Variants in ZSWIM5 observed in about 807,000 individuals in gnomAD.
ZSWIM5 encodes the protein zinc finger SWIM-type containing 5, also known as zinc finger SWIM domain-containing protein 5.
A neutral mutation model predicts 119.6 loss-of-function variants in ZSWIM5; 55 were observed. The ratio of observed to expected loss-of-function variants is 0.46; its 90% CI spans 0.37 to 0.58. The LOEUF (loss-of-function observed/expected upper bound fraction) is 0.58, where lower values mean the gene tolerates loss of function less well. Among genes scored for constraint, ZSWIM5 ranks in the 20% least tolerant of loss-of-function variants. ZSWIM5 has a pLI of 0.00. For missense variants in ZSWIM5, 1,193 were observed against 1,512.8 expected, an observed-to-expected ratio of 0.79 and a Z score of 3.51; for synonymous variants, 537 against 606.9, an observed-to-expected ratio of 0.88 and a Z score of 1.69.
At chr1:45,084,679 G>A (rs1645314397) in intron 2 of ZSWIM5, among the ~76,000 whole-genome samples, 1 of 152,236 alleles carries the variant, frequency 6.6e-6, no homozygotes, top group Non-Finnish European at 1.5e-5. Context: ...AAACCCAGCA[G>A]GGCAGTCACT....
chr1:45,153,197 T>C (rs964045442), intron 1 of ZSWIM5, among the ~76,000 whole-genome samples: 9 of 149,884 alleles, frequency 6.0e-5, no homozygotes, highest in African/African-American at 2.0e-4. Flanking sequence ...ATTCAGCCAC[T>C]GTGGAAAGCA....
intron 11 of ZSWIM5, among the ~76,000 whole-genome samples, chr1:45,027,395 TTTAA>T (rs916452627): frequency 2.6e-4 from 40 of 152,116 alleles, no homozygotes; most frequent in Non-Finnish European, 5.3e-4. Flanking sequence ...ATTTTTATTT[TTTAA>T]TTAATTAATT....
chr1:45,112,979 T>C (rs76823516), intron 1 of ZSWIM5, among the ~76,000 whole-genome samples: 3,143 of 152,326 alleles, frequency 0.021, 117 homozygotes, highest in African/African-American at 0.072. Flanking sequence ...TGGCCTATTA[T>C]AGGCTTGCGA....
chr1:45,164,435 A>C (rs1465183637), intron 1 of ZSWIM5, among the ~76,000 whole-genome samples: 1 of 152,150 alleles, frequency 6.6e-6, no homozygotes, highest in Non-Finnish European at 1.5e-5. Flanking sequence ...TAACCAGCTA[A>C]CATCATAATG....
intron 1 of ZSWIM5, among the ~76,000 whole-genome samples, chr1:45,109,464 G>C (rs1364053789): frequency 6.6e-6 from 1 of 152,176 alleles, no homozygotes; most frequent in African/African-American, 2.4e-5. Flanking sequence ...GGTTATTCCT[G>C]GCTAGACGCG....
rs1221508394 is a variant in ZSWIM5, at chr1:45,200,333, G to C, written c.595+5423C>G. Among the ~76,000 whole-genome samples the C allele has an allele frequency of 2.6e-5, 4 of 152,102 alleles. No individual in the cohort carries two copies. The East Asian group carries it at 7.7e-4, about 29-fold the overall frequency. ...GATTTTCTTAGTCTACTAGCTCCAT[G>C]ATAGGCTAAAAGTGTCCAAGAAGCA... On this transcript the variant is annotated intron_variant, in intron 1 of 13. Coordinates refer to ENST00000359600, the MANE Select transcript of ZSWIM5 (RefSeq NM_020883.2).
intron 1 of ZSWIM5, among the ~76,000 whole-genome samples, chr1:45,176,003 A>G (rs74463629): frequency 0.069 from 10,451 of 151,818 alleles, 487 homozygotes; most frequent in Non-Finnish European, 0.098. Flanking sequence ...CCCTAAATTC[A>G]GCCATTTCTC....
intron 1 of ZSWIM5, among the ~76,000 whole-genome samples, chr1:45,165,370 A>T (rs766241586): frequency 2.0e-5 from 3 of 152,150 alleles, no homozygotes; most frequent in Non-Finnish European, 4.4e-5. Flanking sequence ...AGCAGGAAAG[A>T]TCTAAAATTG....
intron 1 of ZSWIM5, among the ~76,000 whole-genome samples, chr1:45,180,354 T>A (rs1646008948): frequency 6.6e-6 from 1 of 152,134 alleles, no homozygotes; most frequent in Non-Finnish European, 1.5e-5. Flanking sequence ...GAGATCAAAC[T>A]GCAAGGCAGC....
In ZSWIM5 at chr1:45,034,418, G is replaced by A. The variant is rs867825153; in HGVS notation, c.2343C>T (p.His781=). The A allele has an allele frequency of 6.2e-7, 1 of 1,613,854 alleles. No individual in the cohort carries two copies. The highest frequency in any genetic ancestry group is 8.5e-7 in the Non-Finnish European group (1 of 1,179,896). ...GGCTGGGCACCACAGACACCATATG[G>A]TGAGGGTGGGATGTGTCGCCTGCAG... ...SASAGDTSHP[H]HMVSVVPSRY... The change falls in exon 11 of 14, where the codon CAC becomes CAT. Residue 781 remains histidine, a synonymous_variant. Transcript: ENST00000359600.
chr1:45,158,812 C>T (rs1010992293), intron 1 of ZSWIM5, among the ~76,000 whole-genome samples: 2 of 152,074 alleles, frequency 1.3e-5, no homozygotes, highest in African/African-American at 4.8e-5. Flanking sequence ...CAAATCATTA[C>T]AATAGAGAAG....
At chr1:45,161,601 T>A (rs766882867) in intron 1 of ZSWIM5, among the ~76,000 whole-genome samples, 1 of 152,198 alleles carries the variant, frequency 6.6e-6, no homozygotes, top group Non-Finnish European at 1.5e-5. Flanking sequence ...CCCCCACATT[T>A]TTTTTGGCTA....
In ZSWIM5 at chr1:45,040,324, C is replaced by T. The variant is rs557789053; in HGVS notation, c.1756+68G>A. 4 of 1,448,048 alleles carry T rather than the reference C, an allele frequency of 2.8e-6. No individual in the cohort carries two copies. In the South Asian group the frequency reaches 6.5e-5, roughly 23 times the overall value. The allele number at this position is 1,448,048 out of a possible 1,614,324, so 89.7% of individuals were successfully genotyped here. On this transcript the variant is annotated intron_variant, in intron 7 of 13. Coordinates refer to ENST00000359600, the MANE Select transcript of ZSWIM5 (RefSeq NM_020883.2). ...CCGGAATTCCCTAGTTCTTCTGGGC[C>T]TTGTATCCCCTGAGGATCCTCATCA...
intron 1 of ZSWIM5, among the ~76,000 whole-genome samples, chr1:45,099,879 G>A (rs1364521282): frequency 6.6e-6 from 1 of 152,080 alleles, no homozygotes; most frequent in Non-Finnish European, 1.5e-5. Context: ...AATAAATTAG[G>A]TATTGATGTA....
At chr1:45,106,818 T>C (rs973282389) in intron 1 of ZSWIM5, among the ~76,000 whole-genome samples, 1 of 152,222 alleles carries the variant, frequency 6.6e-6, no homozygotes, top group African/African-American at 2.4e-5. Context: ...ATTGTTACTG[T>C]GTCTGTGTAG....
At chr1:45,167,571 C>A (rs1299967089) in intron 1 of ZSWIM5, among the ~76,000 whole-genome samples, 1 of 151,792 alleles carries the variant, frequency 6.6e-6, no homozygotes, top group Non-Finnish European at 1.5e-5. Flanking sequence ...TGCAATCTAC[C>A]CATCTGACAA....
chr1:45,034,481 A>G lies in ZSWIM5; in HGVS notation c.2292-12T>C, dbSNP rs775397218. Reference sequence around the variant, plus strand: ...CTAAAACAGGTAACCTGGAAGACCCAGGAAGAATCATCAGCCACCATCCAG... The same window carrying G: ...CTAAAACAGGTAACCTGGAAGACCCGGGAAGAATCATCAGCCACCATCCAG... On this transcript the variant is annotated splice_polypyrimidine_tract_variant and intron_variant, in intron 10 of 13. Transcript: ENST00000359600. The G allele has an allele frequency of 1.4e-5, 22 of 1,590,998 alleles. No individual in the cohort carries two copies. The highest frequency in any genetic ancestry group is 1.9e-5 in the Non-Finnish European group (22 of 1,167,318).
intron 1 of ZSWIM5, among the ~76,000 whole-genome samples, chr1:45,176,080 C>T (rs1645979313): frequency 6.6e-6 from 1 of 150,696 alleles, no homozygotes; most frequent in Non-Finnish European, 1.5e-5. Flanking sequence ...ATTAGGTGTG[C>T]TTATTGCTAT....
At chr1:45,200,175 T>C (rs138560870) in intron 1 of ZSWIM5, among the ~76,000 whole-genome samples, 2 of 152,336 alleles carry the variant, frequency 1.3e-5, no homozygotes, top group East Asian at 3.8e-4. Context: ...AACCACATTA[T>C]ACATCCTAAG....
Sources: gnomAD v4.1 joint callset for allele counts (sites outside exome capture counted in the v4.1 genomes callset) on GRCh38, gnomAD v4.1.1 for gene constraint, MANE v1.5 for transcripts, NCBI Gene and HGNC (gene_info 2026-07-23, HGNC 2026-07-21) for gene names.